The following CERK variants were observed in gnomAD, a reference collection of about 807,000 sequenced individuals.
The protein encoded by CERK is acylsphingosine kinase.
In CERK, 39 loss-of-function variants were observed where a neutral mutation model predicts 63.4. The observed-to-expected ratio is 0.61, with a 90% CI of 0.48 to 0.80. The LOEUF is 0.80. Among genes scored for constraint, CERK ranks in the 30% least tolerant of loss-of-function variants. The pLI is 0.00. For synonymous variants in CERK, 302 were observed against 280.0 expected, an observed-to-expected ratio of 1.08 and a Z score of -0.78; for missense variants, 670 against 714.1, an observed-to-expected ratio of 0.94 and a Z score of 0.70.
intron 11 of CERK, among the ~76,000 whole-genome samples, chr22:46,690,969 A>ATATG (rs749108948): frequency 2.0e-5 from 3 of 151,786 alleles, no homozygotes; most frequent in Admixed American, 1.3e-4. Flanking sequence ...ATGTGTGTGT[A>ATATG]TATGTATGTA....
At chr22:46,696,786 C>T (rs775992203) in intron 8 of CERK, among the ~76,000 whole-genome samples, 17 of 152,186 alleles carry the variant, frequency 1.1e-4, no homozygotes, top group Non-Finnish European at 1.9e-4. Context: ...GGCTCTCATC[C>T]TGGTGGGAGG....
intron 7 of CERK, 34 bp from the exon 8 acceptor site, chr22:46,699,499 C>A (rs1458743812): frequency 6.2e-7 from 1 of 1,609,414 alleles, no homozygotes; most frequent in Non-Finnish European, 8.5e-7. Context: ...GGAAGGCAGC[C>A]CCCCTCCAGC....
At chr22:46,706,128 G>A (rs112600303) in intron 6 of CERK, among the ~76,000 whole-genome samples, 208 of 152,354 alleles carry the variant, frequency 1.4e-3, no homozygotes, top group African/African-American at 4.8e-3. Context: ...CACAGAGCTC[G>A]ACCTTGCACA....
intron 12 of CERK, among the ~76,000 whole-genome samples, chr22:46,687,831 CTATT>C (rs1289751869): frequency 6.6e-6 from 1 of 152,196 alleles, no homozygotes; most frequent in Non-Finnish European, 1.5e-5. Flanking sequence ...CAGGACAGCT[CTATT>C]TATCTCATTT....
At chr22:46,692,537 G>A (rs2082737011) in intron 10 of CERK, among the ~76,000 whole-genome samples, 1 of 152,052 alleles carries the variant, frequency 6.6e-6, no homozygotes, top group Non-Finnish European at 1.5e-5. Flanking sequence ...AGAAGGTGGA[G>A]GTTGCAGTGA....
At position 46,690,156 on chromosome 22, in the gene CERK, C is replaced by T; in HGVS notation, c.1377G>A (p.Gln459=). The change falls in exon 12 of 13, where the codon CAG becomes CAA. Residue 459 remains glutamine, a synonymous_variant. Coordinates refer to ENST00000216264, the MANE Select transcript of CERK (RefSeq NM_022766.6). The part of the protein sequence containing the change: ...FVEVYRVKKF[Q]FTSKHMEDED... ...CATCCTCCATGTGCTTCGACGTAAA[C>T]TGGAATTTCTTGACGCGATAAACTT... The T allele has an allele frequency of 1.9e-6, 3 of 1,614,030 alleles. No homozygotes were observed. Among genetic ancestry groups the T allele is most frequent in the Non-Finnish European group, 2.5e-6 (3 of 1,180,030 alleles).
intron 3 of CERK, among the ~76,000 whole-genome samples, chr22:46,715,484 C>T (rs1852435389): frequency 6.6e-6 from 1 of 152,132 alleles, no homozygotes; most frequent in African/African-American, 2.4e-5. Context: ...GAAAACGAGA[C>T]TTTCCCGTAA....
chr22:46,710,151 G>A (rs905587771), intron 5 of CERK, among the ~76,000 whole-genome samples: 2 of 152,052 alleles, frequency 1.3e-5, no homozygotes, highest in Admixed American at 6.6e-5. Context: ...TAAACTGGCC[G>A]GGCGCGGTGG....
At chr22:46,695,883 C>A (rs1321658091) in intron 8 of CERK, among the ~76,000 whole-genome samples, 3 of 152,032 alleles carry the variant, frequency 2.0e-5, no homozygotes, top group Non-Finnish European at 2.9e-5. Context: ...CTGGGAAACA[C>A]CACCCAGCAG....
intron 2 of CERK, among the ~76,000 whole-genome samples, 178 bp downstream of exon 2, chr22:46,720,724 A>G (rs1024639702): frequency 2.0e-5 from 3 of 152,120 alleles, no homozygotes; most frequent in Admixed American, 1.3e-4. Context: ...AAATAAGGGG[A>G]AAAATGACCA....
chr22:46,733,076 T>C (rs574203596), intron 1 of CERK, among the ~76,000 whole-genome samples: 1 of 150,842 alleles, frequency 6.6e-6, no homozygotes, highest in African/African-American at 2.4e-5. Flanking sequence ...GGTGCAATGG[T>C]GGGTGCCTGT....
chr22:46,717,085 C>T (rs1159069235), intron 3 of CERK, among the ~76,000 whole-genome samples: 1 of 152,210 alleles, frequency 6.6e-6, no homozygotes, highest in African/African-American at 2.4e-5. Context: ...TTCTCAACCT[C>T]ATTAACCATT....
At position 46,707,863 on chromosome 22, in the gene CERK, CG is replaced by C; in HGVS notation, c.694del (p.Arg232GlyfsTer85). 1 of 1,612,066 alleles carries C rather than the reference CG, an allele frequency of 6.2e-7. No individual in the cohort carries two copies. On this transcript the variant is annotated frameshift_variant, in exon 6 of 13. Transcript: ENST00000216264. LOFTEE classifies it high-confidence loss of function. ...PRAVLVPSSL[R>X]IGIIPAGSTD... The stretch of plus-strand genomic sequence containing the variant: ...CATACCTGCGGGAATGATTCCAATC[CG>C]GAGGCTACTGGGGACCAGCACAGCC...
chr22:46,713,391 C>A (rs924302460), intron 3 of CERK, among the ~76,000 whole-genome samples: 7 of 151,642 alleles, frequency 4.6e-5, no homozygotes, highest in African/African-American at 9.7e-5. Context: ...CACCTGTAGT[C>A]CCAGCTACTT....
chr22:46,708,069 G>A, intron 5 of CERK, 81 bp from the exon 6 acceptor site: 1 of 1,462,926 alleles, frequency 6.8e-7, no homozygotes, highest in East Asian at 2.4e-5. Flanking sequence ...CCAGCTTCAG[G>A]AGGGGCAGCC....
chr22:46,731,046 G>T (rs1370726697), intron 1 of CERK, among the ~76,000 whole-genome samples: 1 of 152,274 alleles, frequency 6.6e-6, no homozygotes, highest in Non-Finnish European at 1.5e-5. Context: ...GAGGCTGTGA[G>T]CAGGCACCCC....
intron 11 of CERK, among the ~76,000 whole-genome samples, chr22:46,690,973 G>GTATGTATGTGTGTA (rs991310767): frequency 4.0e-5 from 6 of 151,130 alleles, no homozygotes; most frequent in African/African-American, 1.5e-4. Flanking sequence ...GTGTGTATAT[G>GTATGTATGTGTGTA]TATGTATGTG....
chr22:46,719,788 AC>A (rs2082883029), intron 3 of CERK, among the ~76,000 whole-genome samples: 1 of 152,238 alleles, frequency 6.6e-6, no homozygotes, highest in African/African-American at 2.4e-5. Flanking sequence ...AAAAGCTATT[AC>A]CATCTCCGCT....
chr22:46,721,885 C>T (rs887628271), intron 1 of CERK, among the ~76,000 whole-genome samples: 2 of 152,208 alleles, frequency 1.3e-5, no homozygotes, highest in Non-Finnish European at 2.9e-5. Flanking sequence ...ACCCGAGCCA[C>T]CTGGGGCGTG....
Sources: gnomAD v4.1 joint callset for allele counts (sites outside exome capture counted in the v4.1 genomes callset) on GRCh38, gnomAD v4.1.1 for gene constraint, MANE v1.5 for transcripts, NCBI Gene and HGNC (gene_info 2026-07-23, HGNC 2026-07-21) for gene names.